ZZEF1: variants seen among roughly 807,000 people sequenced by gnomAD.
ZZEF1 encodes zinc finger ZZ-type and EF-hand domain-containing protein 1.
A neutral mutation model predicts 342.8 loss-of-function variants in ZZEF1; 157 were observed. The observed-to-expected ratio is 0.46, with a 90% confidence interval of 0.40 to 0.52. ZZEF1 has a LOEUF of 0.52. Ranked by LOEUF, ZZEF1 falls within the 20% of genes least tolerant of loss-of-function variation. The pLI is 0.00. For synonymous variants in ZZEF1, 1,505 were observed against 1,429.1 expected, an observed-to-expected ratio of 1.05 and a Z score of -1.20; for missense variants, 3,480 against 3,725.6, an observed-to-expected ratio of 0.93 and a Z score of 1.72.
intron 52 of ZZEF1, among the ~76,000 whole-genome samples, chr17:4,012,018 C>T (rs2055973652): frequency 6.6e-6 from 1 of 152,212 alleles, no homozygotes; most frequent in Non-Finnish European, 1.5e-5. Flanking sequence ...CTGGGAGTTC[C>T]CTCCGGGCTC....
chr17:4,085,261 A>G (rs1445118886), intron 16 of ZZEF1, among the ~76,000 whole-genome samples: 1 of 152,240 alleles, frequency 6.6e-6, no homozygotes, highest in Non-Finnish European at 1.5e-5. Context: ...AGGTAAAACA[A>G]GATTAGCGTG....
chr17:4,041,720 C>T (rs2056807570), intron 39 of ZZEF1, among the ~76,000 whole-genome samples: 1 of 151,944 alleles, frequency 6.6e-6, no homozygotes, highest in African/African-American at 2.4e-5. Flanking sequence ...TTTACAGGAA[C>T]AGTCTAGAAA....
rs748970578 is a variant in ZZEF1 at position 4,014,586 on chromosome 17, C to T, written c.8146-71G>A. Reference sequence around the variant, plus strand: ...GACACTGACTGCAGCTGTCCCATGCCGAGTCCTGTGGCTGGACCCGGGTGT... The same window carrying T: ...GACACTGACTGCAGCTGTCCCATGCTGAGTCCTGTGGCTGGACCCGGGTGT... On this transcript the variant is annotated intron_variant, in intron 49 of 54. Coordinates refer to ENST00000381638, the MANE Select transcript of ZZEF1 (RefSeq NM_015113.4). The surrounding 1 kb of genome is among the most constrained non-coding windows in gnomAD (Gnocchi z 4.4). 1.9e-5 allele frequency: 29 copies of T among 1,542,630 alleles called. No individual in the cohort carries two copies. Among genetic ancestry groups the T allele is most frequent in the East Asian group, 9.0e-5 (4 of 44,448 alleles).
intron 3 of ZZEF1, among the ~76,000 whole-genome samples, chr17:4,116,754 A>T (rs143200710): frequency 6.6e-6 from 1 of 152,342 alleles, no homozygotes; most frequent in African/African-American, 2.4e-5. Flanking sequence ...GCGGAAAGGC[A>T]TCCCTCAAAG....
intron 39 of ZZEF1, among the ~76,000 whole-genome samples, chr17:4,036,817 A>ACACACACACTCT (rs754105162): frequency 2.8e-5 from 2 of 72,618 alleles, no homozygotes; most frequent in East Asian, 4.5e-4. Flanking sequence ...ACACACACAC[A>ACACACACACTCT]CTCTCTCTCT....
At chr17:4,043,496 C>T (rs1350832763) in intron 38 of ZZEF1, among the ~76,000 whole-genome samples, 1 of 152,212 alleles carries the variant, frequency 6.6e-6, no homozygotes, top group Non-Finnish European at 1.5e-5. Flanking sequence ...AGATCCTGCA[C>T]TCCTGGGCCA....
chr17:4,021,028 G>C lies in ZZEF1; in HGVS notation c.7404+101C>G, dbSNP rs781860. On this transcript the variant is annotated intron_variant, in intron 45 of 54. Coordinates refer to ENST00000381638, the MANE Select transcript of ZZEF1 (RefSeq NM_015113.4). Reference sequence around the variant, plus strand: ...TAGGAAGTGAATTCTCAGGACAGCAGACAGAAGCATTTTCATGTTTAGGCT... The same window carrying C: ...TAGGAAGTGAATTCTCAGGACAGCACACAGAAGCATTTTCATGTTTAGGCT... The C allele has an allele frequency of 0.014, 18,222 of 1,295,888 alleles. 1,990 individuals are homozygous for C. The African/African-American group carries it at 0.24, about 17-fold the overall frequency. 80.3% of individuals were successfully genotyped at this position (1,295,888 alleles called of 1,614,324 possible). A position where few individuals can be genotyped will look rare whatever the true frequency, so the allele number is the denominator to read the frequency against.
At chr17:4,081,333 A>G (rs1443017970) in intron 18 of ZZEF1, 43 bp downstream of exon 18, 1 of 1,549,648 alleles carries the variant, frequency 6.5e-7, no homozygotes, top group East Asian at 2.2e-5. Flanking sequence ...ACGTGCCCCC[A>G]CAAGCATGAG....
At chr17:4,140,364 G>C (rs543544621) in intron 1 of ZZEF1, among the ~76,000 whole-genome samples, 1 of 152,080 alleles carries the variant, frequency 6.6e-6, no homozygotes, top group Non-Finnish European at 1.5e-5. Context: ...ATTCACCTGT[G>C]GGCTGAAATG....
At chr17:4,085,164 A>C (rs1325012551) in intron 16 of ZZEF1, among the ~76,000 whole-genome samples, 1 of 152,178 alleles carries the variant, frequency 6.6e-6, no homozygotes, top group Non-Finnish European at 1.5e-5. Context: ...ATATATACTG[A>C]AATATTTATG....
chr17:4,020,065 G>A (rs552764537), intron 45 of ZZEF1: 7 of 280,918 alleles, frequency 2.5e-5, no homozygotes, highest in South Asian at 5.8e-5. Context: ...TCGTATTCAC[G>A]GCTAGCGTCT....
At chr17:4,024,439 T>C (rs2056357138) in intron 43 of ZZEF1, among the ~76,000 whole-genome samples, 1 of 152,052 alleles carries the variant, frequency 6.6e-6, no homozygotes, top group Non-Finnish European at 1.5e-5. Context: ...GCTCAGGCAA[T>C]CCACCTGCCT....
intron 9 of ZZEF1, among the ~76,000 whole-genome samples, chr17:4,097,815 GCCAGGCA>G (rs1424163866): frequency 6.6e-6 from 1 of 151,364 alleles, no homozygotes; most frequent in African/African-American, 2.4e-5. Flanking sequence ...AAAAGTCTGG[GCCAGGCA>G]CAGTAGCTCA....
At position 4,113,428 on chromosome 17, in the gene ZZEF1, G is replaced by A. The variant is rs145072038; in HGVS notation, c.867-620C>T. Among the ~76,000 whole-genome samples, 1,122 of 152,274 alleles carry A rather than the reference G, an allele frequency of 7.4e-3. 3 individuals are homozygous for A. The highest frequency in any genetic ancestry group is 0.012 in the Non-Finnish European group (840 of 68,016). ...AAAGAGGCCAGGCACGGTGGCTCAC[G>A]CCTGTAATCCCAGCACTTTGAGAAG... On this transcript the variant is annotated intron_variant, in intron 4 of 54. Transcript: ENST00000381638.
chr17:4,065,430 G>A (rs2057373495), intron 28 of ZZEF1, among the ~76,000 whole-genome samples: 1 of 150,734 alleles, frequency 6.6e-6, no homozygotes, highest in Non-Finnish European at 1.5e-5. Flanking sequence ...ACCAAAAAAC[G>A]AAAAAGTGAT....
rs531200539 is a variant in ZZEF1, at chr17:4,075,784, C to A, written c.3235-355G>T. On this transcript the variant is annotated intron_variant, in intron 21 of 54. Coordinates refer to ENST00000381638, the MANE Select transcript of ZZEF1 (RefSeq NM_015113.4). The stretch of plus-strand genomic sequence containing the variant: ...ATTCCTACCTGGGACACTGGCAAAT[C>A]TGGATCTACTCTCCCTTCCTCTCCT... Among the ~76,000 whole-genome samples, 8 of 146,868 alleles carry A rather than the reference C, an allele frequency of 5.4e-5. No individual in the cohort carries two copies. The South Asian group carries it at 1.7e-3, about 31-fold the overall frequency.
intron 9 of ZZEF1, among the ~76,000 whole-genome samples, chr17:4,097,477 G>GAAAAAAAAAAAAA (rs1174680383): frequency 7.2e-5 from 1 of 13,856 alleles, no homozygotes; most frequent in African/African-American, 1.0e-4. Context: ...TTTGAAATGG[G>GAAAAAAAAAAAAA]AAAAAAAAAA....
intron 16 of ZZEF1, among the ~76,000 whole-genome samples, chr17:4,083,391 T>C (rs1233071102): frequency 6.6e-6 from 1 of 152,206 alleles, no homozygotes; most frequent in African/African-American, 2.4e-5. Context: ...GGTCAGCTGA[T>C]GCTGTCAAAG....
rs920487312 is a variant in ZZEF1, at chr17:4,013,571, C to T, written c.8457G>A (p.Val2819=). The T allele has an allele frequency of 4.3e-6, 7 of 1,613,918 alleles. No homozygotes were observed. In the African/African-American group the frequency reaches 8.0e-5, roughly 18 times the overall value. The change falls in exon 52 of 55, where the codon GTG becomes GTA. Residue 2819 remains valine, a synonymous_variant. Coordinates refer to ENST00000381638, the MANE Select transcript of ZZEF1 (RefSeq NM_015113.4). ...LKQMLSEERV[V]PHLPLAKIWE... ...AAATTTTTGCCAATGGGAGATGAGG[C>T]ACGACCCTTTCTTCTGACAACATCT...
Sources: gnomAD v4.1 joint callset for allele counts (sites outside exome capture counted in the v4.1 genomes callset) on GRCh38, gnomAD v4.1.1 for gene constraint, Gnocchi (gnomAD v3.1) non-coding constraint, MANE v1.5 for transcripts, NCBI Gene and HGNC (gene_info 2026-07-23, HGNC 2026-07-21) for gene names.